AOX1: variants seen among roughly 807,000 people sequenced by gnomAD.
AOX1 encodes the protein aldehyde oxidase.
In AOX1, 153 loss-of-function variants were observed where a neutral mutation model predicts 169.5. The ratio of observed to expected loss-of-function variants is 0.90; its 90% confidence interval spans 0.79 to 1.03. The LOEUF (loss-of-function observed/expected upper bound fraction) is 1.03. AOX1 is among the 50% of genes least tolerant of loss of function. The pLI is 0.00. For synonymous variants in AOX1, 562 were observed against 581.9 expected, an observed-to-expected ratio of 0.97 and a Z score of 0.49; for missense variants, 1,656 against 1,663.9, an observed-to-expected ratio of 1.00 and a Z score of 0.08.
intron 3 of AOX1, among the ~76,000 whole-genome samples, chr2:200,596,929 C>T (rs963547554): frequency 2.6e-5 from 4 of 152,114 alleles, no homozygotes; most frequent in South Asian, 4.1e-4. Context: ...GGTCTTTGTA[C>T]TAAGGCACCA....
At chr2:200,680,277 T>G (rs1574973376), downstream of AOX1, among the ~76,000 whole-genome samples, 1 of 152,024 alleles carries the variant, frequency 6.6e-6, no homozygotes, top group South Asian at 2.1e-4. Context: ...AGGCAGAAAA[T>G]AAGAAGAAAA....
intron 25 of AOX1, among the ~76,000 whole-genome samples, chr2:200,646,401 T>C (rs2035453766): frequency 6.6e-6 from 1 of 152,202 alleles, no homozygotes; most frequent in Non-Finnish European, 1.5e-5. Context: ...TTTCCAGTTT[T>C]ATTCCACTGT....
At chr2:200,615,371 C>G (rs2034729975) in intron 15 of AOX1, among the ~76,000 whole-genome samples, 1 of 152,100 alleles carries the variant, frequency 6.6e-6, no homozygotes, top group Non-Finnish European at 1.5e-5. Context: ...TTGTTGAAAG[C>G]CTTTCCCCCC....
chr2:200,592,946 G>A (rs1370800490), intron 1 of AOX1, among the ~76,000 whole-genome samples, 200 bp from the exon 2 acceptor site: 2 of 152,152 alleles, frequency 1.3e-5, no homozygotes, highest in Non-Finnish European at 2.9e-5. Flanking sequence ...CCAAGGACAG[G>A]AGCACAATTG....
intron 3 of AOX1, among the ~76,000 whole-genome samples, chr2:200,596,976 A>T (rs1029410733): frequency 6.6e-6 from 1 of 152,118 alleles, no homozygotes; most frequent in South Asian, 2.1e-4. Context: ...TTATGCATCC[A>T]TCAGCGTGAC....
chr2:200,663,349 T>C (rs2035864063), intron 31 of AOX1, among the ~76,000 whole-genome samples: 1 of 152,188 alleles, frequency 6.6e-6, no homozygotes, highest in African/African-American at 2.4e-5. Context: ...TGTAATCTGC[T>C]AACAAGCACC....
downstream of AOX1, among the ~76,000 whole-genome samples, chr2:200,680,552 T>G (rs1490408034): frequency 6.6e-6 from 1 of 152,038 alleles, no homozygotes; most frequent in Non-Finnish European, 1.5e-5. Flanking sequence ...TTTTTGTTTT[T>G]GTTTTTGTTT....
At chr2:200,630,609 A>C (rs2035105162) in intron 20 of AOX1, among the ~76,000 whole-genome samples, 1 of 148,210 alleles carries the variant, frequency 6.7e-6, no homozygotes, top group South Asian at 2.1e-4. Flanking sequence ...GAGGGGAAGA[A>C]AAGAAAAGGA....
rs540086318 is a variant in AOX1 at position 200,659,999 on chromosome 2, C to A, written c.3305C>A (p.Ala1102Asp). Reference sequence around the variant, plus strand: ...TAATTTAAAAATAATCTCTAGGATGCCTGTCAAACTCTTCTAAAACGCCTC... The same window carrying A: ...TAATTTAAAAATAATCTCTAGGATGACTGTCAAACTCTTCTAAAACGCCTC... Reference protein sequence around the residue: ...ADLNGLAVKDACQTLLKRLEP... With the variant: ...ADLNGLAVKDDCQTLLKRLEP... The change falls in exon 29 of 35, where the codon GCC becomes GAC. Residue 1102 changes from alanine to aspartate, a missense_variant. Coordinates refer to ENST00000374700, the MANE Select transcript of AOX1 (RefSeq NM_001159.4). 32 of 1,611,368 alleles carry A rather than the reference C, an allele frequency of 2.0e-5. 1 individual carries two copies. In the South Asian group the frequency reaches 3.4e-4, roughly 17 times the overall value.
At chr2:200,639,669 T>C (rs2035312269) in intron 23 of AOX1, among the ~76,000 whole-genome samples, 1 of 152,078 alleles carries the variant, frequency 6.6e-6, no homozygotes, top group African/African-American at 2.4e-5. Flanking sequence ...CAATCTCAGG[T>C]TAAAAGATGG....
chr2:200,641,487 GT>G (rs2105747352), intron 24 of AOX1, among the ~76,000 whole-genome samples: 1 of 152,192 alleles, frequency 6.6e-6, no homozygotes, highest in South Asian at 2.1e-4. Flanking sequence ...GCTCTTTATG[GT>G]GGGGACTATC....
intron 20 of AOX1, among the ~76,000 whole-genome samples, chr2:200,627,805 A>C (rs753096323): frequency 2.6e-5 from 4 of 152,168 alleles, no homozygotes; most frequent in Admixed American, 6.5e-5. Context: ...GTAATTATGG[A>C]GTGTGACCAA....
chr2:200,608,046 G>T (rs550940470), intron 10 of AOX1, among the ~76,000 whole-genome samples: 38 of 152,182 alleles, frequency 2.5e-4, no homozygotes, highest in African/African-American at 8.2e-4. Context: ...ATGACAGGTT[G>T]ATAGGTGCAG....
intron 33 of AOX1, 28 bp downstream of exon 33, chr2:200,668,831 C>A: frequency 6.3e-7 from 1 of 1,590,614 alleles, no homozygotes; most frequent in Non-Finnish European, 8.6e-7. Context: ...GGTAAATATG[C>A]ATGTTTATAT....
At chr2:200,634,436 C>A (rs371236205) in intron 20 of AOX1, among the ~76,000 whole-genome samples, 1 of 152,112 alleles carries the variant, frequency 6.6e-6, no homozygotes, top group African/African-American at 2.4e-5. Flanking sequence ...TACATCTACT[C>A]CTGCTGGTCC....
At chr2:200,663,070 G>A in intron 31 of AOX1, 101 bp downstream of exon 31, 1 of 866,176 alleles carries the variant, frequency 1.2e-6, no homozygotes, top group African/African-American at 1.7e-5. Flanking sequence ...GCAGCATCGT[G>A]CATTTGGCCT....
At chr2:200,630,044 C>T (rs907376621) in intron 20 of AOX1, among the ~76,000 whole-genome samples, 1 of 151,762 alleles carries the variant, frequency 6.6e-6, no homozygotes, top group Non-Finnish European at 1.5e-5. Flanking sequence ...AGTTTGACAC[C>T]AACCTGGTCA....
rs2034877562 is a variant in AOX1, at chr2:200,621,104, T to G, written c.1875-16T>G. On this transcript the variant is annotated splice_polypyrimidine_tract_variant and intron_variant, in intron 17 of 34. Transcript: ENST00000374700. ...CTATGGCCACTCTAAGGAGCTCTGC[T>G]GTGTATATCATCTAGGTCTATTGAT... 6.2e-7 allele frequency: 1 copy of G among 1,608,264 alleles called. No individual in the cohort carries two copies. Among genetic ancestry groups the G allele is most frequent in the South Asian group, 1.1e-5 (1 of 89,418 alleles).
chr2:200,613,042 G>GAC (rs1553569250), intron 14 of AOX1, among the ~76,000 whole-genome samples: 6 of 151,438 alleles, frequency 4.0e-5, no homozygotes, highest in East Asian at 1.9e-4. Flanking sequence ...GAGAGAGAGA[G>GAC]AGACAGACAG....
Sources: gnomAD v4.1 joint callset for allele counts (sites outside exome capture counted in the v4.1 genomes callset) on GRCh38, gnomAD v4.1.1 for gene constraint, MANE v1.5 for transcripts, NCBI Gene and HGNC (gene_info 2026-07-23, HGNC 2026-07-21) for gene names.